The following FLNB variants were observed in gnomAD, a reference collection of about 807,000 sequenced individuals.
FLNB encodes filamin B.
FLNB carries 111 observed loss-of-function variants against 250.6 expected under a neutral mutation model. That is an observed-to-expected ratio of 0.44 (90% CI 0.38 to 0.52). The LOEUF is 0.52. FLNB is among the 20% of genes least tolerant of loss of function. The probability of loss-of-function intolerance (pLI) is 0.00; values close to 1 mark genes in which losing one functional copy is unlikely to be tolerated. For synonymous variants in FLNB, 1,302 were observed against 1,372.1 expected, an observed-to-expected ratio of 0.95 and a Z score of 1.13; for missense variants, 2,869 against 3,447.8, an observed-to-expected ratio of 0.83 and a Z score of 4.20.
At chr3:58,014,212 C>G (rs1225658111) in intron 1 of FLNB, among the ~76,000 whole-genome samples, 1 of 152,204 alleles carries the variant, frequency 6.6e-6, no homozygotes, top group Non-Finnish European at 1.5e-5. Flanking sequence ...TCAGCGCGCT[C>G]TGGGGAGAAC....
chr3:58,059,735 G>GT (rs1317956277), intron 1 of FLNB, among the ~76,000 whole-genome samples: 3 of 152,184 alleles, frequency 2.0e-5, no homozygotes, highest in African/African-American at 4.8e-5. Context: ...TGCCACGACC[G>GT]TTTATCACGG....
chr3:58,122,512 A>G (rs2107172410), intron 20 of FLNB, among the ~76,000 whole-genome samples: 1 of 148,494 alleles, frequency 6.7e-6, no homozygotes, highest in Admixed American at 6.8e-5. Flanking sequence ...AAAAAAAAAA[A>G]GTTCATCGTC....
intron 1 of FLNB, among the ~76,000 whole-genome samples, chr3:58,043,561 A>G (rs932759770): frequency 3.9e-5 from 6 of 152,088 alleles, no homozygotes; most frequent in Non-Finnish European, 8.8e-5. Flanking sequence ...CTTGGTCCCA[A>G]GTTTCAAACG....
At chr3:58,063,681 C>T (rs768056320) in intron 1 of FLNB, among the ~76,000 whole-genome samples, 1 of 152,102 alleles carries the variant, frequency 6.6e-6, no homozygotes, top group Non-Finnish European at 1.5e-5. Flanking sequence ...GAGTTTTGTT[C>T]CCTTTTATGA....
chr3:58,124,170 A>G (rs2097293836), intron 21 of FLNB, among the ~76,000 whole-genome samples, 162 bp from the exon 22 acceptor site: 1 of 152,014 alleles, frequency 6.6e-6, no homozygotes, highest in Non-Finnish European at 1.5e-5. Flanking sequence ...CTTCTTTGGG[A>G]TGGAGGGGGT....
chr3:58,045,158 C>T (rs903429085), intron 1 of FLNB, among the ~76,000 whole-genome samples: 1 of 152,190 alleles, frequency 6.6e-6, no homozygotes, highest in Non-Finnish European at 1.5e-5. Flanking sequence ...TGGGTTGGCT[C>T]TGCCTCCAGC....
At chr3:58,106,639 C>A (rs755711863) in intron 11 of FLNB, 41 bp from the exon 12 acceptor site, 4 of 1,585,970 alleles carry the variant, frequency 2.5e-6, no homozygotes, top group Non-Finnish European at 3.5e-6. Context: ...AGGTGCTTTC[C>A]ACCATATAAC....
rs372083454 is a variant in FLNB at position 58,008,538 on chromosome 3, G to A, written c.-27G>A. ...AAACACCAGTCCCCGGCAGCTCGTTGCGCATTGCGCTCTCCCCGCCACCAG... is the reference window on the plus strand; with the variant it reads ...AAACACCAGTCCCCGGCAGCTCGTTACGCATTGCGCTCTCCCCGCCACCAG... On this transcript the variant is annotated 5_prime_UTR_variant, in exon 1 of 46. Coordinates refer to ENST00000295956, the MANE Select transcript of FLNB (RefSeq NM_001457.4). The A allele has an allele frequency of 1.3e-6, 2 of 1,565,494 alleles. No homozygotes were observed. The highest frequency in any genetic ancestry group is 1.4e-5 in the African/African-American group (1 of 73,512).
At chr3:58,113,210 C>T (rs958148056) in intron 18 of FLNB, among the ~76,000 whole-genome samples, 5 of 152,160 alleles carry the variant, frequency 3.3e-5, no homozygotes, top group African/African-American at 4.8e-5. Flanking sequence ...AATTTTGTTT[C>T]GCTTCATGTT....
At chr3:58,150,259 C>G (rs1292339630) in intron 38 of FLNB, 32 bp downstream of exon 38, 1 of 1,613,858 alleles carries the variant, frequency 6.2e-7, no homozygotes, top group Admixed American at 1.7e-5. Flanking sequence ...GGTGGGGAAG[C>G]CTTGGCTCCA....
At chr3:58,061,566 A>G (rs1300299429) in intron 1 of FLNB, among the ~76,000 whole-genome samples, 2 of 151,836 alleles carry the variant, frequency 1.3e-5, no homozygotes, top group Non-Finnish European at 2.9e-5. Flanking sequence ...GTCTCTACAA[A>G]AATTACGAAA....
chr3:58,010,553 A>G (rs2097097106), intron 1 of FLNB, among the ~76,000 whole-genome samples: 1 of 152,204 alleles, frequency 6.6e-6, no homozygotes, highest in South Asian at 2.1e-4. Flanking sequence ...GGAGAACCTC[A>G]GAATCTCCTG....
chr3:58,012,484 T>C (rs995462011), intron 1 of FLNB, among the ~76,000 whole-genome samples: 2 of 152,078 alleles, frequency 1.3e-5, no homozygotes, highest in Non-Finnish European at 2.9e-5. Flanking sequence ...CAGAGATGAG[T>C]AAAATACAGC....
At chr3:58,150,422 GT>G in intron 38 of FLNB, 195 bp downstream of exon 38, 1 of 650,784 alleles carries the variant, frequency 1.5e-6, no homozygotes, top group Non-Finnish European at 2.6e-6. Flanking sequence ...AAAAACAAAT[GT>G]TTACCTTGCT....
chr3:58,055,247 C>A (rs1334307968), intron 1 of FLNB, among the ~76,000 whole-genome samples: 1 of 151,026 alleles, frequency 6.6e-6, no homozygotes, highest in African/African-American at 2.4e-5. Context: ...GCCTGGGTGA[C>A]AGAGTGAGAT....
At position 58,112,206 on chromosome 3, in the gene FLNB, C is replaced by T; in HGVS notation, c.2633C>T (p.Ala878Val). The change falls in exon 18 of 46, where the codon GCC becomes GTC. Residue 878 changes from alanine to valine, a missense_variant. By Grantham distance (64) the Ala-to-Val change is moderately conservative. Around this residue, in one of 5 missense-constraint regions of FLNB, gnomAD observed 1,348 missense variants for 1,466.7 expected, o/e 0.92. Transcript: ENST00000295956. ...FTVYTKGAGK[A>V]PLNVQFNSPL... Reference sequence around the variant, plus strand: ...GTCTACACCAAGGGGGCTGGGAAAGCCCCGCTCAACGTGCAGTTCAACAGC... The same window carrying T: ...GTCTACACCAAGGGGGCTGGGAAAGTCCCGCTCAACGTGCAGTTCAACAGC... 5 of 1,614,166 alleles carry T rather than the reference C, an allele frequency of 3.1e-6. No homozygotes were observed. The highest frequency in any genetic ancestry group is 4.2e-6 in the Non-Finnish European group (5 of 1,179,994).
intron 4 of FLNB, among the ~76,000 whole-genome samples, chr3:58,082,685 C>T (rs552803523): frequency 1.3e-5 from 2 of 151,784 alleles, no homozygotes; most frequent in Admixed American, 6.6e-5. Flanking sequence ...GCAGGAGAAT[C>T]GCTTGAACCC....
Position 58,096,232 on chromosome 3 carries a change from G to A in FLNB, c.984+14G>A. ...GGGCTACACAAAGTAAGATGAAGCA[G>A]CATGGCTGTGGCTTGGGCTGCTCTG... On this transcript the variant is annotated intron_variant, in intron 6 of 45. Coordinates refer to ENST00000295956, the MANE Select transcript of FLNB (RefSeq NM_001457.4). 6.2e-7 allele frequency: 1 copy of A among 1,602,486 alleles called. No individual in the cohort carries two copies. Among genetic ancestry groups the A allele is most frequent in the Non-Finnish European group, 8.6e-7 (1 of 1,169,572 alleles).
chr3:58,158,566 A>G (rs1476018378), intron 41 of FLNB, among the ~76,000 whole-genome samples: 1 of 152,218 alleles, frequency 6.6e-6, no homozygotes, highest in Non-Finnish European at 1.5e-5. Flanking sequence ...ATGCTGCTTC[A>G]GAGTTATTGC....
Sources: allele counts gnomAD v4.1 joint callset (sites outside exome capture counted in the v4.1 genomes callset), GRCh38; gene constraint gnomAD v4.1.1; regional missense constraint gnomAD v4.1.1; transcripts MANE v1.5; gene names NCBI Gene and HGNC (gene_info 2026-07-23, HGNC 2026-07-21).